ASB3: variants seen among roughly 807,000 people sequenced by gnomAD.
ASB3 encodes the protein ankyrin repeat and SOCS box containing 3.
A neutral mutation model predicts 54.5 loss-of-function variants in ASB3; 41 were observed. That is an observed-to-expected ratio of 0.75 (90% CI 0.59 to 0.98). The LOEUF is 0.98. Among genes scored for constraint, ASB3 ranks in the 50% least tolerant of loss-of-function variants. ASB3 has a pLI of 0.00. For synonymous variants in ASB3, 266 were observed against 221.2 expected (o/e 1.20, Z -1.80); for missense variants, 733 against 620.0 (o/e 1.18, Z -1.94).
rs1672937835 is a variant in ASB3, at chr2:53,758,108, TTAAAACCTA to T, written c.197-7176_197-7168del. ...TATTCCTTTAAAAGCCAGGGTAAAT[TTAAAACCTA>T]TAATTGATAACTGAAGGTCTTCTCT... On this transcript the variant is annotated intron_variant, in intron 2 of 9. Transcript: ENST00000263634. 3.3e-5 allele frequency among the ~76,000 whole-genome samples: 5 copies of T among 151,980 alleles called. No homozygotes were observed. In the South Asian group the frequency reaches 1.0e-3, roughly 32 times the overall value.
rs1279444886 is a variant in ASB3 at position 53,750,845 on chromosome 2, A to G, written c.293T>C (p.Leu98Pro). The change falls in exon 3 of 10, where the codon CTT (leucine) becomes CCT (proline). Residue 98 changes from leucine to proline, a missense_variant. Coordinates refer to ENST00000263634, the MANE Select transcript of ASB3 (RefSeq NM_016115.5). ...ATTAGGATCTGCCCCAGCTTCTAAA[A>G]GAATCTGTACGATTTTCCAATGTCC... ...SQGHWKIVQI[L>P]LEAGADPNAT... The G allele has an allele frequency of 6.2e-7, 1 of 1,603,358 alleles. No individual in the cohort carries two copies. Among genetic ancestry groups the G allele is most frequent in the Non-Finnish European group, 8.5e-7 (1 of 1,174,826 alleles).
At chr2:53,760,197 A>C (rs935104256) in intron 2 of ASB3, among the ~76,000 whole-genome samples, 1 of 152,196 alleles carries the variant, frequency 6.6e-6, no homozygotes, top group Non-Finnish European at 1.5e-5. Flanking sequence ...AGAAGGAAAA[A>C]GGGTAAATAT....
chr2:53,696,640 A>G (rs914387804), intron 8 of ASB3, among the ~76,000 whole-genome samples: 3 of 152,226 alleles, frequency 2.0e-5, no homozygotes, highest in African/African-American at 7.2e-5. Context: ...ATTGAGTAAT[A>G]GAACTATAGA....
chr2:53,759,188 A>C (rs1263946215), intron 2 of ASB3, among the ~76,000 whole-genome samples: 1 of 152,234 alleles, frequency 6.6e-6, no homozygotes, highest in Non-Finnish European at 1.5e-5. Context: ...TTCCCAGTGT[A>C]GACCCTCACT....
chr2:53,770,497 TTAA>T (rs1488107306), intron 1 of ASB3, among the ~76,000 whole-genome samples: 2 of 111,826 alleles, frequency 1.8e-5, no homozygotes, highest in African/African-American at 7.9e-5. Context: ...CGAAGTTTAT[TTAA>T]AAAAAAAAAA....
chr2:53,765,987 A>G (rs1056010302), intron 1 of ASB3, among the ~76,000 whole-genome samples: 29 of 152,212 alleles, frequency 1.9e-4, no homozygotes, highest in African/African-American at 7.0e-4. Flanking sequence ...ACACTACATT[A>G]TGCAGAGATG....
chr2:53,740,990 ATTC>A (rs1671903312), intron 3 of ASB3, among the ~76,000 whole-genome samples: 1 of 152,190 alleles, frequency 6.6e-6, no homozygotes, highest in African/African-American at 2.4e-5. Flanking sequence ...TAACACTGTA[ATTC>A]TACTACTTTC....
At chr2:53,774,498 A>G in intron 1 of ASB3, 1 of 1,563,416 alleles carries the variant, frequency 6.4e-7, no homozygotes, top group South Asian at 1.2e-5. Context: ...AACGTTTAGA[A>G]GGGAAACAGA....
chr2:53,747,585 T>C (rs919923777), intron 3 of ASB3, among the ~76,000 whole-genome samples: 31 of 152,200 alleles, frequency 2.0e-4, no homozygotes, highest in African/African-American at 6.8e-4. Context: ...AAACAAATGT[T>C]GTTTAAGAGA....
chr2:53,765,585 T>C lies in ASB3; in HGVS notation c.-13A>G. On this transcript the variant is annotated splice_region_variant and 5_prime_UTR_variant, in exon 2 of 10. Transcript: ENST00000263634. ...CTGTAAAATCCATTTGTTTGACCAG[T>C]CTACAAAACAAGGTAGAAGGATAAT... 1 of 1,614,130 alleles carries C rather than the reference T, an allele frequency of 6.2e-7. No individual in the cohort carries two copies. Among genetic ancestry groups the C allele is most frequent in the East Asian group, 2.2e-5 (1 of 44,878 alleles).
chr2:53,703,997 C>A (rs1178733766), intron 7 of ASB3, among the ~76,000 whole-genome samples: 1 of 151,960 alleles, frequency 6.6e-6, no homozygotes, highest in Non-Finnish European at 1.5e-5. Context: ...TACCTGGTAC[C>A]AGTATTGTGA....
At chr2:53,703,496 G>A (rs1669603025) in intron 7 of ASB3, among the ~76,000 whole-genome samples, 1 of 152,196 alleles carries the variant, frequency 6.6e-6, no homozygotes, top group Admixed American at 6.5e-5. Context: ...CACCTTAGGA[G>A]GCCAAGGCAG....
intron 6 of ASB3, 86 bp downstream of exon 6, chr2:53,716,480 C>T: frequency 4.7e-6 from 7 of 1,495,210 alleles, no homozygotes; most frequent in Non-Finnish European, 6.3e-6. Flanking sequence ...AAAGACTTTG[C>T]CTAGAGGTGA....
intron 9 of ASB3, among the ~76,000 whole-genome samples, chr2:53,688,702 C>A (rs988727811): frequency 6.6e-6 from 1 of 151,962 alleles, no homozygotes; most frequent in South Asian, 2.1e-4. Flanking sequence ...CCAAACACTG[C>A]ATTTTCTCAC....
intron 1 of ASB3, chr2:53,767,630 T>C (rs1005294403): frequency 8.5e-6 from 4 of 473,038 alleles, no homozygotes; most frequent in Non-Finnish European, 1.5e-5. Context: ...GATTTACGGA[T>C]GCTGCAAAAG....
At chr2:53,692,548 T>G (rs1044828036) in intron 9 of ASB3, among the ~76,000 whole-genome samples, 3 of 152,126 alleles carry the variant, frequency 2.0e-5, no homozygotes, top group Non-Finnish European at 4.4e-5. Context: ...AGTACTTAAT[T>G]AAACAAGAAG....
At chr2:53,685,266 T>A (rs550409715) in intron 9 of ASB3, among the ~76,000 whole-genome samples, 1 of 152,240 alleles carries the variant, frequency 6.6e-6, no homozygotes, top group Non-Finnish European at 1.5e-5. Flanking sequence ...ATCATTGCAA[T>A]CAACAAAGGC....
intron 9 of ASB3, among the ~76,000 whole-genome samples, chr2:53,681,388 T>C (rs914417525): frequency 1.3e-5 from 2 of 152,240 alleles, no homozygotes; most frequent in African/African-American, 4.8e-5. Context: ...TGATCCCCTA[T>C]GTCCATTTTT....
chr2:53,766,173 C>A (rs999335810), intron 1 of ASB3, among the ~76,000 whole-genome samples: 19 of 152,168 alleles, frequency 1.2e-4, no homozygotes, highest in Admixed American at 2.0e-4. Flanking sequence ...ACCAAATAGA[C>A]CCACTGACTG....
Sources: gnomAD v4.1 joint callset for allele counts (sites outside exome capture counted in the v4.1 genomes callset) on GRCh38, gnomAD v4.1.1 for gene constraint, MANE v1.5 for transcripts, NCBI Gene and HGNC (gene_info 2026-07-23, HGNC 2026-07-21) for gene names.